The following RASGRF2 variants were observed in gnomAD, a reference collection of about 807,000 sequenced individuals.
RASGRF2 encodes the protein Ras protein specific guanine nucleotide releasing factor 2, also known as ras-specific guanine nucleotide-releasing factor 2.
A neutral mutation model predicts 151.0 loss-of-function variants in RASGRF2; 76 were observed. That is an observed-to-expected ratio of 0.50 (90% CI 0.42 to 0.61). The LOEUF is 0.61. Among genes scored for constraint, RASGRF2 ranks in the 20% least tolerant of loss-of-function variants. The pLI, the probability that RASGRF2 is intolerant of heterozygous loss-of-function variation, is 0.00. For synonymous variants in RASGRF2, 504 were observed against 566.5 expected, an observed-to-expected ratio of 0.89 and a Z score of 1.57; for missense variants, 1,148 against 1,564.6, an observed-to-expected ratio of 0.73 and a Z score of 4.49.
intron 1 of RASGRF2, among the ~76,000 whole-genome samples, chr5:80,998,393 A>G (rs1174534911): frequency 6.6e-6 from 1 of 152,108 alleles, no homozygotes; most frequent in Non-Finnish European, 1.5e-5. Context: ...GATTTAAATG[A>G]TCATCTGGGC....
At chr5:81,041,490 C>T (rs1337237282) in intron 1 of RASGRF2, among the ~76,000 whole-genome samples, 2 of 152,062 alleles carry the variant, frequency 1.3e-5, no homozygotes, top group South Asian at 2.1e-4. Flanking sequence ...GAGAATTCTC[C>T]ACATCTTAAC....
intron 17 of RASGRF2, among the ~76,000 whole-genome samples, chr5:81,135,403 C>T (rs1377834538): frequency 6.6e-6 from 1 of 152,204 alleles, no homozygotes; most frequent in Non-Finnish European, 1.5e-5. Context: ...TTTCCCCAAG[C>T]CCTTTAGCTG....
intron 14 of RASGRF2, 34 bp downstream of exon 14, chr5:81,112,892 G>A (rs775275613): frequency 6.8e-6 from 11 of 1,612,788 alleles, no homozygotes; most frequent in African/African-American, 1.3e-5. Flanking sequence ...CCTGTCATTC[G>A]CATATGGCCC....
intron 17 of RASGRF2, among the ~76,000 whole-genome samples, chr5:81,161,534 C>T (rs1284143005): frequency 6.6e-6 from 1 of 152,168 alleles, no homozygotes; most frequent in Non-Finnish European, 1.5e-5. Context: ...GATTGAGATG[C>T]GTTAAATCCT....
chr5:81,086,461 G>A (rs1458828193), intron 8 of RASGRF2, among the ~76,000 whole-genome samples: 8 of 152,140 alleles, frequency 5.3e-5, no homozygotes. Flanking sequence ...TTATGTCTGT[G>A]TTACTTTAGC....
In RASGRF2 at chr5:80,977,113, C is replaced by T. The variant is rs1238423447; in HGVS notation, c.288+16087C>T. On this transcript the variant is annotated intron_variant, in intron 1 of 26. Transcript: ENST00000265080. The stretch of plus-strand genomic sequence containing the variant: ...TGTAGAGCCCCAACTGTCGTTTCCT[C>T]CCATGAACATGAGTATAGAAATTTA... Among the ~76,000 whole-genome samples, 10 of 152,162 alleles carry T rather than the reference C, an allele frequency of 6.6e-5. No homozygotes were observed. The East Asian group carries it at 1.9e-3, about 29-fold the overall frequency.
chr5:81,085,530 TA>T (rs200794610), intron 7 of RASGRF2, among the ~76,000 whole-genome samples: 6 of 151,666 alleles, frequency 4.0e-5, no homozygotes, highest in Admixed American at 1.3e-4. Context: ...TATGATTATG[TA>T]AAAAAAAATT....
chr5:81,004,914 A>G (rs181773757), intron 1 of RASGRF2, among the ~76,000 whole-genome samples: 2 of 152,264 alleles, frequency 1.3e-5, no homozygotes, highest in East Asian at 3.9e-4. Context: ...GTACACGTTG[A>G]TATTAGCATT....
chr5:81,069,875 A>C (rs915715399), intron 3 of RASGRF2: 8 of 152,816 alleles, frequency 5.2e-5, no homozygotes, highest in African/African-American at 1.9e-4. Flanking sequence ...GAGGCCACCC[A>C]GTCTTGAAAT....
chr5:80,969,409 C>T lies in RASGRF2; in HGVS notation c.288+8383C>T, dbSNP rs1160609746. On this transcript the variant is annotated intron_variant, in intron 1 of 26. Coordinates refer to ENST00000265080, the MANE Select transcript of RASGRF2 (RefSeq NM_006909.3). Reference sequence around the variant, plus strand: ...TTGGCCTCCCAAAGTGTTGGGTTTACAGGCGTGAGCCACCACGACTGGCCA... The same window carrying T: ...TTGGCCTCCCAAAGTGTTGGGTTTATAGGCGTGAGCCACCACGACTGGCCA... Among the ~76,000 whole-genome samples the T allele has an allele frequency of 5.3e-5, 8 of 151,474 alleles. No individual in the cohort carries two copies. The East Asian group carries it at 1.4e-3, about 26-fold the overall frequency.
At chr5:81,035,875 G>C (rs1750472845) in intron 1 of RASGRF2, among the ~76,000 whole-genome samples, 1 of 152,138 alleles carries the variant, frequency 6.6e-6, no homozygotes, top group Non-Finnish European at 1.5e-5. Context: ...AAGAGATTGT[G>C]GCTGAGAACT....
chr5:80,985,118 G>A (rs549525599), intron 1 of RASGRF2, among the ~76,000 whole-genome samples: 4 of 152,116 alleles, frequency 2.6e-5, no homozygotes, highest in Non-Finnish European at 5.9e-5. Flanking sequence ...AGGCTGAGGT[G>A]AGAGGATAAC....
rs79771582 is a variant in RASGRF2 at position 81,017,451 on chromosome 5, C to G, written c.289-25426C>G. Among the ~76,000 whole-genome samples, 195 of 152,280 alleles carry G rather than the reference C, an allele frequency of 1.3e-3. 1 individual carries two copies. Among genetic ancestry groups the G allele is most frequent in the African/African-American group, 4.6e-3 (190 of 41,548 alleles). ...TGCTGGTATGAATAAAAGTTGGCTTCTAGTGAAGCAAATGTGCCCATGGCA... is the reference window on the plus strand; with the variant it reads ...TGCTGGTATGAATAAAAGTTGGCTTGTAGTGAAGCAAATGTGCCCATGGCA... On this transcript the variant is annotated intron_variant, in intron 1 of 26. Coordinates refer to ENST00000265080, the MANE Select transcript of RASGRF2 (RefSeq NM_006909.3).
intron 1 of RASGRF2, among the ~76,000 whole-genome samples, chr5:80,999,293 A>G (rs1211693253): frequency 1.3e-5 from 2 of 151,758 alleles, no homozygotes; most frequent in African/African-American, 4.8e-5. Context: ...CAGGCACTAC[A>G]TCTCACCCCC....
At chr5:81,072,787 T>C (rs1422317660) in intron 4 of RASGRF2, among the ~76,000 whole-genome samples, 2 of 152,170 alleles carry the variant, frequency 1.3e-5, no homozygotes, top group Non-Finnish European at 2.9e-5. Context: ...GCTCAAGTGA[T>C]CCTCTCACCT....
chr5:80,974,492 C>T (rs1029821159), intron 1 of RASGRF2, among the ~76,000 whole-genome samples: 3 of 152,166 alleles, frequency 2.0e-5, no homozygotes, highest in Non-Finnish European at 4.4e-5. Flanking sequence ...GAAATCTGTG[C>T]CAGGGCCTCA....
At chr5:81,035,351 C>T (rs181047352) in intron 1 of RASGRF2, among the ~76,000 whole-genome samples, 56 of 152,286 alleles carry the variant, frequency 3.7e-4, no homozygotes, top group African/African-American at 1.3e-3. Flanking sequence ...TCTGTGCATA[C>T]TATCACAAGG....
chr5:81,163,012 G>A (rs1292219385), intron 17 of RASGRF2, among the ~76,000 whole-genome samples: 3 of 152,124 alleles, frequency 2.0e-5, no homozygotes, highest in East Asian at 1.9e-4. Flanking sequence ...GGGAAAGCAG[G>A]ACATCTCTGC....
chr5:80,968,878 CT>C (rs1322938726), intron 1 of RASGRF2, among the ~76,000 whole-genome samples: 2 of 151,792 alleles, frequency 1.3e-5, no homozygotes, highest in African/African-American at 4.8e-5. Flanking sequence ...GAGATGGGGT[CT>C]CCCTGTGTTG....
Sources: gnomAD v4.1 joint callset for allele counts (sites outside exome capture counted in the v4.1 genomes callset) on GRCh38, gnomAD v4.1.1 for gene constraint, MANE v1.5 for transcripts, NCBI Gene and HGNC (gene_info 2026-07-23, HGNC 2026-07-21) for gene names.